The following LAMA1 variants were observed in gnomAD, a reference collection of about 807,000 sequenced individuals.
LAMA1 encodes laminin subunit alpha-1.
A neutral mutation model predicts 348.7 loss-of-function variants in LAMA1; 219 were observed. The observed-to-expected ratio is 0.63, with a 90% CI of 0.56 to 0.70. The LOEUF is 0.70. Among genes scored for constraint, LAMA1 ranks in the 30% least tolerant of loss-of-function variants. The probability of loss-of-function intolerance (pLI) is 0.00; values close to 1 mark genes in which losing one functional copy is unlikely to be tolerated. For missense variants in LAMA1, 3,744 were observed against 3,888.0 expected (o/e 0.96, Z 0.99); for synonymous variants, 1,487 against 1,491.0 (o/e 1.00, Z 0.06).
intron 1 of LAMA1, among the ~76,000 whole-genome samples, chr18:7,099,692 C>T (rs1002947695): frequency 6.6e-6 from 1 of 151,518 alleles, no homozygotes; most frequent in African/African-American, 2.4e-5. Context: ...TGGACCTCAT[C>T]AAAACAAACA....
chr18:6,973,139 CTTGT>C lies in LAMA1; in HGVS notation c.6688_6691del (p.Thr2230ValfsTer12). 1 of 1,614,146 alleles carries C rather than the reference CTTGT, an allele frequency of 6.2e-7. No homozygotes were observed. Among genetic ancestry groups the C allele is most frequent in the Non-Finnish European group, 8.5e-7 (1 of 1,179,964 alleles). On this transcript the variant is annotated frameshift_variant, in exon 47 of 63. Coordinates refer to ENST00000389658, the MANE Select transcript of LAMA1 (RefSeq NM_005559.4). LOFTEE classifies it high-confidence loss of function. ...AACATTAGCTGTCCCAGGGGATTTA[CTTGT>C]TTTTGTTGGTGACTTTTGATTTGAG...
In LAMA1 at chr18:6,999,918, A is replaced by C; in HGVS notation, c.4462T>G (p.Cys1488Gly). 1 of 1,614,058 alleles carries C rather than the reference A, an allele frequency of 6.2e-7. No homozygotes were observed. Residue 1488 changes from cysteine (C) to glycine (G), a missense_variant, in exon 31 of 63, where the codon TGT (cysteine) becomes GGT (glycine). By Grantham distance (159) the Cys-to-Gly change is radical. Transcript: ENST00000389658. ...GACAATCCACCCATGTACCTTTCAC[A>C]GTGTTTTCCTTCATAGCCCAGGAGA... ...ACLLGYEGKH[C>G]ERCSSSYYGN...
chr18:7,013,092 C>T (rs1300943521), intron 23 of LAMA1, among the ~76,000 whole-genome samples: 2 of 151,808 alleles, frequency 1.3e-5, no homozygotes, highest in African/African-American at 2.4e-5. Flanking sequence ...ACCCGGGAGG[C>T]GGAGGTTGCA....
intron 44 of LAMA1, among the ~76,000 whole-genome samples, chr18:6,976,454 C>T (rs2057682576): frequency 6.6e-6 from 1 of 152,114 alleles, no homozygotes; most frequent in South Asian, 2.1e-4. Context: ...TATTTATTCA[C>T]TCAGCAGATA....
chr18:7,082,728 A>G (rs891330781), intron 1 of LAMA1, among the ~76,000 whole-genome samples: 10 of 152,252 alleles, frequency 6.6e-5, no homozygotes, highest in Admixed American at 6.5e-5. Flanking sequence ...TTGGCTCTGT[A>G]TTACATACAT....
At chr18:7,075,023 T>C (rs919558298) in intron 3 of LAMA1, among the ~76,000 whole-genome samples, 2 of 127,110 alleles carry the variant, frequency 1.6e-5, no homozygotes, top group Non-Finnish European at 3.2e-5. Context: ...TTCTGACAGC[T>C]GTCATCAATT....
At chr18:7,042,347 G>T in intron 8 of LAMA1, 97 bp from the exon 9 acceptor site, 1 of 750,958 alleles carries the variant, frequency 1.3e-6, no homozygotes, top group Non-Finnish European at 2.4e-6. Context: ...ACTCAAGATG[G>T]GACTATTACG....
intron 10 of LAMA1, among the ~76,000 whole-genome samples, chr18:7,039,308 T>C (rs774053970): frequency 6.6e-6 from 1 of 152,200 alleles, no homozygotes; most frequent in Non-Finnish European, 1.5e-5. Flanking sequence ...TCCAGTAGTA[T>C]ATAACATGTG....
At chr18:6,972,243 G>A (rs2057661754) in intron 47 of LAMA1, 2 of 433,496 alleles carry the variant, frequency 4.6e-6, no homozygotes, top group Admixed American at 3.5e-5. Flanking sequence ...TGTTGTACGA[G>A]TGAGAAAACA....
chr18:6,992,560 C>A lies in LAMA1; in HGVS notation c.5168+1G>T. 6.2e-7 allele frequency: 1 copy of A among 1,614,080 alleles called. No homozygotes were observed. ...ATTGCACACAGTAATTAGAAACTTA[C>A]TTGAGTTCAAGGGTGGCATTTTGGT... On this transcript the variant is annotated splice_donor_variant, in intron 36 of 62. Transcript: ENST00000389658. LOFTEE classifies it high-confidence loss of function.
intron 16 of LAMA1, among the ~76,000 whole-genome samples, chr18:7,027,294 C>T (rs951996687): frequency 6.6e-6 from 1 of 152,054 alleles, no homozygotes; most frequent in Non-Finnish European, 1.5e-5. Context: ...ACCAAAATGG[C>T]CATTGTCTAT....
At position 7,016,671 on chromosome 18, in the gene LAMA1, G is replaced by A. The variant is rs769782541; in HGVS notation, c.2809C>T (p.His937Tyr). The A allele has an allele frequency of 6.2e-7, 1 of 1,611,578 alleles. No homozygotes were observed. The highest frequency in any genetic ancestry group is 8.5e-7 in the Non-Finnish European group (1 of 1,178,918). The change falls in exon 21 of 63, where the codon CAT becomes TAT. Residue 937 changes from histidine (H) to tyrosine (Y), a missense_variant and splice_region_variant. By Grantham distance (83) the His-to-Tyr change is moderately conservative. Transcript: ENST00000389658. ...CCTGAGTCCAGCCCATAATAGCCAT[G>A]CTGTTTCACCAAAGGGGGAGAAAGT... ...VTGQQCDQCLHGYYGLDSGHG... is the reference protein window; with the variant it reads ...VTGQQCDQCLYGYYGLDSGHG...
intron 53 of LAMA1, 84 bp downstream of exon 53, chr18:6,961,502 T>C (rs1600351564): frequency 6.6e-7 from 1 of 1,504,510 alleles, no homozygotes; most frequent in Non-Finnish European, 9.1e-7. Context: ...TGACAATAAA[T>C]GTTTATGAGT....
Position 6,975,021 on chromosome 18 carries a change from C to A in LAMA1, c.6505G>T (p.Val2169Leu). ...GCCACTCTCCCTCGCCGCATCTCCA[C>A]TGCAAGGAAATCAGACTGGGGGGCG... Reference protein sequence around the residue: ...GSSTASDFLAVEMRRGRVAFL... With the variant: ...GSSTASDFLALEMRRGRVAFL... The change falls in exon 46 of 63, where the codon GTG becomes TTG. Residue 2169 changes from valine (V) to leucine (L), a missense_variant. Physicochemically the swap from Val to Leu is conservative, Grantham distance 32. Around this residue, in one of 3 missense-constraint regions of LAMA1, gnomAD observed 1,983 missense variants for 1,934.3 expected, o/e 1.03. Coordinates refer to ENST00000389658, the MANE Select transcript of LAMA1 (RefSeq NM_005559.4). 6.2e-7 allele frequency: 1 copy of A among 1,613,968 alleles called. No individual in the cohort carries two copies. The highest frequency in any genetic ancestry group is 1.3e-5 in the African/African-American group (1 of 75,038).
chr18:6,994,354 T>C (rs1395004867), intron 34 of LAMA1, among the ~76,000 whole-genome samples: 1 of 152,174 alleles, frequency 6.6e-6, no homozygotes, highest in Non-Finnish European at 1.5e-5. Flanking sequence ...TCTACTGGGA[T>C]TTTTACTCTT....
intron 17 of LAMA1, 114 bp downstream of exon 17, chr18:7,025,865 G>A (rs2057940299): frequency 2.1e-6 from 3 of 1,434,320 alleles, no homozygotes. Flanking sequence ...ATTGTCACTG[G>A]GCAAAATTCA....
intron 55 of LAMA1, 23 bp downstream of exon 55, chr18:6,958,454 A>C (rs1284559443): frequency 6.2e-7 from 1 of 1,612,142 alleles, no homozygotes; most frequent in East Asian, 2.2e-5. Flanking sequence ...GTGCAAGAAC[A>C]TGCAGAGAGC....
chr18:7,026,115 A>G lies in LAMA1; in HGVS notation c.2275-9T>C. ...GTGTTGTGCGCACACGCCTAGGAAC[A>G]TGCACCAGAAGAATCAGCTCAGGTT... is the stretch of plus-strand genomic sequence containing the variant. On this transcript the variant is annotated splice_polypyrimidine_tract_variant and intron_variant, in intron 16 of 62. Coordinates refer to ENST00000389658, the MANE Select transcript of LAMA1 (RefSeq NM_005559.4). The G allele has an allele frequency of 6.2e-7, 1 of 1,610,680 alleles. No homozygotes were observed. Among genetic ancestry groups the G allele is most frequent in the East Asian group, 2.2e-5 (1 of 44,808 alleles).
At chr18:7,038,660 C>T (rs750486876) in intron 11 of LAMA1, 150 bp downstream of exon 11, 75 of 1,004,706 alleles carry the variant, frequency 7.5e-5, no homozygotes, top group Non-Finnish European at 1.1e-4. Flanking sequence ...GAGAGGCAGA[C>T]GGCTGCCTTT....
Sources: allele counts gnomAD v4.1 joint callset (sites outside exome capture counted in the v4.1 genomes callset), GRCh38; gene constraint gnomAD v4.1.1; regional missense constraint gnomAD v4.1.1; transcripts MANE v1.5; gene names NCBI Gene and HGNC (gene_info 2026-07-23, HGNC 2026-07-21).